The following ROBO2 variants were observed in gnomAD, a reference collection of about 807,000 sequenced individuals.
ROBO2 encodes the protein roundabout homolog 2.
In ROBO2, 53 loss-of-function variants were observed where a neutral mutation model predicts 160.8. The ratio of observed to expected loss-of-function variants is 0.33; its 90% CI spans 0.26 to 0.41. The LOEUF (loss-of-function observed/expected upper bound fraction) is 0.41. ROBO2 is among the 10% of genes least tolerant of loss of function. The pLI is 1.00. For missense variants in ROBO2, 1,577 were observed against 1,722.4 expected (o/e 0.92, Z 1.49); for synonymous variants, 664 against 611.7 (o/e 1.09, Z -1.26).
intron 2 of ROBO2, among the ~76,000 whole-genome samples, chr3:76,712,546 G>C (rs1037746558): frequency 3.9e-5 from 6 of 152,008 alleles, no homozygotes; most frequent in African/African-American, 1.2e-4. Flanking sequence ...GTGGTGGTAT[G>C]TGCCTGTAAT....
intron 2 of ROBO2, among the ~76,000 whole-genome samples, chr3:76,942,849 T>G (rs2078280905): frequency 6.6e-6 from 1 of 152,140 alleles, no homozygotes; most frequent in South Asian, 2.1e-4. Context: ...ACTCTAATTT[T>G]CCAACTCCTA....
In ROBO2 at chr3:77,235,354, TA is replaced by T. The variant is rs1394237014; in HGVS notation, c.388+137015del. Among the ~76,000 whole-genome samples, 8 of 144,214 alleles carry T rather than the reference TA, an allele frequency of 5.5e-5. No individual in the cohort carries two copies. The East Asian group carries it at 5.9e-4, about 11-fold the overall frequency. 94.6% of individuals were successfully genotyped at this position (144,214 alleles called of 152,430 possible). ...TGCATTCTATAATATGAGAGGAGAATATTTTTTTTTTTTTTTGAGACGGAGT... is the reference window on the plus strand; with the variant it reads ...TGCATTCTATAATATGAGAGGAGAATTTTTTTTTTTTTTTTGAGACGGAGT... On this transcript the variant is annotated intron_variant, in intron 2 of 25. Coordinates refer to ENST00000461745, the Ensembl canonical transcript of ROBO2.
At chr3:77,486,670 T>G (rs559250469) in intron 4 of ROBO2, among the ~76,000 whole-genome samples, 2 of 152,332 alleles carry the variant, frequency 1.3e-5, no homozygotes, top group Admixed American at 1.3e-4. Context: ...ATTAGACCTT[T>G]GTCAGATGCT....
chr3:75,957,751 CT>C (rs1489560931), intron 2 of ROBO2, among the ~76,000 whole-genome samples: 1 of 149,992 alleles, frequency 6.7e-6, no homozygotes. Context: ...AAATGGTTGT[CT>C]TTTGTCTTTG....
intron 2 of ROBO2, among the ~76,000 whole-genome samples, chr3:76,018,290 A>G (rs1039064531): frequency 6.6e-6 from 1 of 152,052 alleles, no homozygotes; most frequent in Non-Finnish European, 1.5e-5. Context: ...TAGAAAAAAT[A>G]TAACAATCAT....
At chr3:76,158,652 AT>A (rs1463697538) in intron 2 of ROBO2, among the ~76,000 whole-genome samples, 4 of 152,048 alleles carry the variant, frequency 2.6e-5, no homozygotes, top group Non-Finnish European at 4.4e-5. Flanking sequence ...CAAATGAATG[AT>A]GGGAGCATTC....
At chr3:76,887,573 C>T (rs1299062954) in intron 2 of ROBO2, among the ~76,000 whole-genome samples, 1 of 151,932 alleles carries the variant, frequency 6.6e-6, no homozygotes, top group Non-Finnish European at 1.5e-5. Flanking sequence ...CATCCCCGTC[C>T]TCTTATTAAA....
chr3:77,141,850 T>C (rs555291283), intron 2 of ROBO2, among the ~76,000 whole-genome samples: 11 of 152,310 alleles, frequency 7.2e-5, no homozygotes, highest in African/African-American at 2.6e-4. Context: ...TGGGTAAAAG[T>C]CTATTGTATG....
chr3:77,541,289 A>G (rs1270988888), intron 6 of ROBO2, among the ~76,000 whole-genome samples: 1 of 152,008 alleles, frequency 6.6e-6, no homozygotes, highest in African/African-American at 2.4e-5. Context: ...AGAGTCCCCC[A>G]TCCCCTCATC....
intron 24 of ROBO2, among the ~76,000 whole-genome samples, chr3:77,643,646 T>C (rs530232814): frequency 3.9e-5 from 6 of 152,292 alleles, no homozygotes; most frequent in South Asian, 2.1e-4. Flanking sequence ...TCAGGATTCA[T>C]TGAGTACTGA....
chr3:76,344,414 A>G (rs1346388052), intron 2 of ROBO2, among the ~76,000 whole-genome samples: 2 of 152,182 alleles, frequency 1.3e-5, no homozygotes, highest in African/African-American at 2.4e-5. Flanking sequence ...TATTGGTGAA[A>G]TTCTACTTTT....
intron 2 of ROBO2, among the ~76,000 whole-genome samples, chr3:76,851,764 A>AAAATATATATATAT (rs1553659595): frequency 7.3e-6 from 1 of 137,084 alleles, no homozygotes; most frequent in African/African-American, 2.9e-5. Flanking sequence ...AAAAAAAAAA[A>AAAATATATATATAT]ATATTAACAT....
At chr3:76,093,073 A>G (rs2069297120) in intron 2 of ROBO2, among the ~76,000 whole-genome samples, 1 of 152,142 alleles carries the variant, frequency 6.6e-6, no homozygotes, top group Admixed American at 6.5e-5. Context: ...TTTGAGATGT[A>G]AATTTTGGTT....
chr3:76,499,424 C>A (rs980370235), intron 2 of ROBO2, among the ~76,000 whole-genome samples: 9 of 152,142 alleles, frequency 5.9e-5, no homozygotes, highest in African/African-American at 2.2e-4. Context: ...ATCCCAATGT[C>A]CAACCTCTAT....
intron 1 of ROBO2, among the ~76,000 whole-genome samples, chr3:77,077,980 C>A (rs1356306968): frequency 6.6e-6 from 1 of 152,158 alleles, no homozygotes; most frequent in East Asian, 1.9e-4. Context: ...CCCCAGCACA[C>A]TGGCATCTAG....
chr3:77,227,060 A>G (rs1435122624), intron 2 of ROBO2, among the ~76,000 whole-genome samples: 1 of 152,200 alleles, frequency 6.6e-6, no homozygotes, highest in Admixed American at 6.5e-5. Context: ...GTTGCATCTT[A>G]AAAGCATTTT....
chr3:76,301,764 G>A (rs1021189137), intron 2 of ROBO2, among the ~76,000 whole-genome samples: 1 of 152,204 alleles, frequency 6.6e-6, no homozygotes, highest in African/African-American at 2.4e-5. Context: ...GCTGGTCATT[G>A]CTTCTGTTGT....
At chr3:77,433,776 T>C (rs2079025629) in intron 2 of ROBO2, among the ~76,000 whole-genome samples, 1 of 151,900 alleles carries the variant, frequency 6.6e-6, no homozygotes, top group African/African-American at 2.4e-5. Flanking sequence ...GACTCTTCAG[T>C]CAGAGACTGT....
chr3:77,607,621 T>C (rs1328481201), intron 20 of ROBO2, among the ~76,000 whole-genome samples, 177 bp from the exon 22 acceptor site: 1 of 152,158 alleles, frequency 6.6e-6, no homozygotes, highest in Non-Finnish European at 1.5e-5. Flanking sequence ...AAAAACAGTA[T>C]CATTTTGAGT....
Sources: allele counts gnomAD v4.1 joint callset (sites outside exome capture counted in the v4.1 genomes callset), GRCh38; gene constraint gnomAD v4.1.1; transcripts MANE v1.5; gene names NCBI Gene and HGNC (gene_info 2026-07-23, HGNC 2026-07-21).